HAAO: variants seen among roughly 807,000 people sequenced by gnomAD.
HAAO encodes 3-hydroxyanthranilate oxygenase.
In HAAO, 49 loss-of-function variants were observed where a neutral mutation model predicts 46.2. The ratio of observed to expected loss-of-function variants is 1.06; its 90% CI spans 0.84 to 1.34. The LOEUF (loss-of-function observed/expected upper bound fraction) is 1.34. Among genes scored for constraint, HAAO ranks in the 40% most tolerant of loss-of-function variants. The pLI, the probability that HAAO is intolerant of heterozygous loss-of-function variation, is 0.00. For missense variants in HAAO, 408 were observed against 364.5 expected, an observed-to-expected ratio of 1.12 and a Z score of -0.97; for synonymous variants, 157 against 145.2, an observed-to-expected ratio of 1.08 and a Z score of -0.58.
At chr2:42,782,575 A>G (rs1672080530) in intron 4 of HAAO, among the ~76,000 whole-genome samples, 1 of 152,250 alleles carries the variant, frequency 6.6e-6, no homozygotes. Context: ...ATGTGAAAGG[A>G]AAATATCTTG....
chr2:42,767,695 G>A lies in HAAO; in HGVS notation c.700-18C>T. 2 of 1,571,072 alleles carry A rather than the reference G, an allele frequency of 1.3e-6. No individual in the cohort carries two copies. Among genetic ancestry groups the A allele is most frequent in the Non-Finnish European group, 1.7e-6 (2 of 1,154,906 alleles). On this transcript the variant is annotated intron_variant, in intron 8 of 9. Transcript: ENST00000294973. ...GAGCCCTCCTGGAGAAGAGGAGCAG[G>A]AGAATCAAATGGAGACTGTTGGGCC...
At chr2:42,769,246 G>C (rs1670896017) in intron 7 of HAAO, among the ~76,000 whole-genome samples, 3 of 152,266 alleles carry the variant, frequency 2.0e-5, no homozygotes, top group South Asian at 4.1e-4. Flanking sequence ...AACATAACAG[G>C]CATTTAATAA....
chr2:42,770,409 G>T, intron 5 of HAAO, 84 bp downstream of exon 5: 1 of 1,093,468 alleles, frequency 9.1e-7, no homozygotes, highest in Non-Finnish European at 1.3e-6. Flanking sequence ...CTCCACCCTG[G>T]GAGGGGAGAC....
chr2:42,775,843 C>G (rs2104649028), intron 4 of HAAO, among the ~76,000 whole-genome samples: 1 of 134,574 alleles, frequency 7.4e-6, no homozygotes, highest in South Asian at 2.4e-4. Context: ...AAACTGCTTA[C>G]TTTTATATTG....
intron 1 of HAAO, chr2:42,788,939 T>G: frequency 3.1e-6 from 1 of 326,394 alleles, no homozygotes; most frequent in Non-Finnish European, 5.9e-6. Context: ...TACAGGAGAG[T>G]AGCAAATTGA....
intron 4 of HAAO, among the ~76,000 whole-genome samples, chr2:42,777,324 G>GAAAAAAAAAAAAAAAAAAAAAAAAAAA: frequency 8.7e-6 from 1 of 115,392 alleles, no homozygotes; most frequent in Admixed American, 9.7e-5. Flanking sequence ...AAAAAAAAAA[G>GAAAAAAAAAAAAAAAAAAAAAAAAAAA]AAGAAAGAAA....
intron 4 of HAAO, among the ~76,000 whole-genome samples, chr2:42,771,147 C>T (rs1354171643): frequency 3.3e-5 from 5 of 151,950 alleles, no homozygotes; most frequent in East Asian, 1.9e-4. Flanking sequence ...GAGGCTGAGA[C>T]GGGTAGATTA....
intron 2 of HAAO, among the ~76,000 whole-genome samples, 167 bp downstream of exon 2, chr2:42,788,362 G>T (rs572252437): frequency 2.8e-4 from 43 of 152,320 alleles, no homozygotes; most frequent in African/African-American, 1.0e-3. Flanking sequence ...CAGCTTGGAG[G>T]CAGCAGTCGT....
At position 42,770,177 on chromosome 2, in the gene HAAO, G is replaced by A; in HGVS notation, c.450C>T (p.Ser150=). 1 of 1,600,900 alleles carries A rather than the reference G, an allele frequency of 6.2e-7. No homozygotes were observed. The highest frequency in any genetic ancestry group is 8.5e-7 in the Non-Finnish European group (1 of 1,172,592). Residue 150 remains serine, a synonymous_variant, in exon 6 of 10, where the codon AGC becomes AGT. Coordinates refer to ENST00000294973, the MANE Select transcript of HAAO (RefSeq NM_012205.3). ...GCTTTCCTGTTCTGTACTGCTCAGA[G>A]CTGAAGAACCTGCAAGGACGAACAG... ...QLAPIIQEFF[S]SEQYRTGKPI...
chr2:42,772,435 T>A (rs973791304), intron 4 of HAAO, among the ~76,000 whole-genome samples: 3 of 150,998 alleles, frequency 2.0e-5, no homozygotes, highest in Non-Finnish European at 4.4e-5. Flanking sequence ...GAGCCGAGAT[T>A]GTACCACTGC....
rs1444892862 is a variant in HAAO at position 42,788,430 on chromosome 2, A to T, written c.159+99T>A. On this transcript the variant is annotated intron_variant, in intron 2 of 9. Coordinates refer to ENST00000294973, the MANE Select transcript of HAAO (RefSeq NM_012205.3). Reference sequence around the variant, plus strand: ...ATCAGCCACATGTCCACCCCTCTCCAGTCCATCATCTCTGGGCCTCGAGTG... The same window carrying T: ...ATCAGCCACATGTCCACCCCTCTCCTGTCCATCATCTCTGGGCCTCGAGTG... The T allele has an allele frequency of 3.7e-6, 3 of 800,742 alleles. No individual in the cohort carries two copies. The African/African-American group carries it at 5.1e-5, about 14-fold the overall frequency. The allele number at this position is 800,742 out of a possible 1,614,324, so 49.6% of individuals were successfully genotyped here.
At chr2:42,785,841 G>A (rs999915833) in intron 2 of HAAO, among the ~76,000 whole-genome samples, 7 of 152,094 alleles carry the variant, frequency 4.6e-5, no homozygotes, top group African/African-American at 1.7e-4. Flanking sequence ...CAGCCTGGGT[G>A]ACAGAGTGAG....
chr2:42,767,825 G>A, intron 8 of HAAO, 35 bp downstream of exon 8: 2 of 1,604,182 alleles, frequency 1.2e-6, no homozygotes, highest in South Asian at 1.1e-5. Flanking sequence ...CCTCTGGCAG[G>A]GGGTTCTGCA....
intron 4 of HAAO, among the ~76,000 whole-genome samples, chr2:42,777,049 C>A (rs1173181310): frequency 6.6e-6 from 1 of 151,702 alleles, no homozygotes; most frequent in African/African-American, 2.4e-5. Context: ...CACCTGTAAT[C>A]CCAGCACTTT....
At chr2:42,781,772 G>T (rs908882209) in intron 4 of HAAO, among the ~76,000 whole-genome samples, 2 of 152,076 alleles carry the variant, frequency 1.3e-5, no homozygotes, top group African/African-American at 4.8e-5. Flanking sequence ...TACTCAAGAA[G>T]TTAAGGCAGG....
chr2:42,781,264 T>A (rs561998933), intron 4 of HAAO, among the ~76,000 whole-genome samples: 1 of 152,342 alleles, frequency 6.6e-6, no homozygotes, highest in African/African-American at 2.4e-5. Context: ...TTGGAGAAAC[T>A]GGTTATTTTA....
At chr2:42,770,270 G>C (rs1671009291) in intron 5 of HAAO, 84 bp from the exon 6 acceptor site, 4 of 1,190,492 alleles carry the variant, frequency 3.4e-6, no homozygotes. Flanking sequence ...CACACTCACG[G>C]TCAGGTGCAG....
At chr2:42,777,316 A>G (rs1292352257) in intron 4 of HAAO, among the ~76,000 whole-genome samples, 4 of 150,646 alleles carry the variant, frequency 2.7e-5, no homozygotes, top group Non-Finnish European at 5.9e-5. Context: ...AAAAAAAAAA[A>G]AAAAAAAGAA....
At position 42,788,703 on chromosome 2, in the gene HAAO, C is replaced by T. The variant is rs79166340; in HGVS notation, c.81-96G>A. The T allele has an allele frequency of 2.7e-3, 2,211 of 820,934 alleles. 55 individuals carry two copies. The East Asian group carries it at 0.049, about 18-fold the overall frequency. 50.9% of individuals were successfully genotyped at this position (820,934 alleles called of 1,614,324 possible). A position where few individuals can be genotyped will look rare whatever the true frequency, so the allele number is the denominator to read the frequency against. Reference sequence around the variant, plus strand: ...GGGCCAGGAGGGAGCCTGAGGGCCCCTGGGAGAGGAGCAGGGCTGTTTTGG... The same window carrying T: ...GGGCCAGGAGGGAGCCTGAGGGCCCTTGGGAGAGGAGCAGGGCTGTTTTGG... On this transcript the variant is annotated intron_variant, in intron 1 of 9. Coordinates refer to ENST00000294973, the MANE Select transcript of HAAO (RefSeq NM_012205.3).
Sources: allele counts gnomAD v4.1 joint callset (sites outside exome capture counted in the v4.1 genomes callset), GRCh38; gene constraint gnomAD v4.1.1; transcripts MANE v1.5; gene names NCBI Gene and HGNC (gene_info 2026-07-23, HGNC 2026-07-21).